Variants in GRIA1 observed in about 807,000 individuals in gnomAD.
GRIA1 encodes glutamate ionotropic receptor AMPA type subunit 1.
In GRIA1, 31 loss-of-function variants were observed where a neutral mutation model predicts 99.2. The observed-to-expected ratio is 0.31, with a 90% CI of 0.23 to 0.42. The LOEUF is 0.42. Among genes scored for constraint, GRIA1 ranks in the 10% least tolerant of loss-of-function variants. The pLI is 1.00. For missense variants in GRIA1, 782 were observed against 1,157.5 expected (o/e 0.68, Z 4.71); for synonymous variants, 438 against 432.4 (o/e 1.01, Z -0.16).
At position 153,811,195 on chromosome 5, in the gene GRIA1, A is replaced by C; in HGVS notation, c.2691A>C (p.Ser897=). ...CGATTCCTTGCATGAGCCACAGTTCAGGGATGCCCTTGGGAGCCACGGGAT... is the reference window on the plus strand; with the variant it reads ...CGATTCCTTGCATGAGCCACAGTTCCGGGATGCCCTTGGGAGCCACGGGAT... ...MQSIPCMSHS[S]GMPLGATGL The change falls in exon 16 of 16, where the codon TCA becomes TCC. Residue 897 remains serine (S), a synonymous_variant. Transcript: ENST00000285900. 1 of 1,614,098 alleles carries C rather than the reference A, an allele frequency of 6.2e-7. No homozygotes were observed. Among genetic ancestry groups the C allele is most frequent in the East Asian group, 2.2e-5 (1 of 44,852 alleles).
At chr5:153,746,794 G>T (rs1323815556) in intron 11 of GRIA1, among the ~76,000 whole-genome samples, 1 of 152,200 alleles carries the variant, frequency 6.6e-6, no homozygotes, top group Non-Finnish European at 1.5e-5. Flanking sequence ...ATGGGAGGAA[G>T]TCCCATTTAT....
intron 2 of GRIA1, among the ~76,000 whole-genome samples, chr5:153,567,132 T>C (rs1425543230): frequency 6.6e-6 from 1 of 152,188 alleles, no homozygotes; most frequent in Admixed American, 6.5e-5. Context: ...TTGTTTCATT[T>C]TATGTGCAGT....
At chr5:153,561,643 C>T (rs1032262195) in intron 2 of GRIA1, among the ~76,000 whole-genome samples, 2 of 152,144 alleles carry the variant, frequency 1.3e-5, no homozygotes, top group African/African-American at 4.8e-5. Flanking sequence ...TGGCTTAAAG[C>T]AGTTGCAAGA....
At chr5:153,624,112 G>C (rs778833) in intron 2 of GRIA1, among the ~76,000 whole-genome samples, 149,708 of 152,318 alleles carry the variant, frequency 0.98, 73,619 homozygotes, top group East Asian at 1. Flanking sequence ...AGCTCACCTT[G>C]ACATTTAACC....
chr5:153,697,917 G>T, intron 8 of GRIA1, 127 bp from the exon 9 acceptor site: 2 of 514,122 alleles, frequency 3.9e-6, no homozygotes, highest in Non-Finnish European at 7.1e-6. Context: ...ATATTTTAGA[G>T]CTCGGTGTGT....
chr5:153,796,337 A>G (rs1191845270), intron 14 of GRIA1, among the ~76,000 whole-genome samples: 2 of 152,210 alleles, frequency 1.3e-5, no homozygotes, highest in Admixed American at 6.5e-5. Context: ...TAAAGCTACT[A>G]TCTTCATTAC....
At chr5:153,758,973 C>A (rs371259141) in intron 11 of GRIA1, among the ~76,000 whole-genome samples, 29 of 151,764 alleles carry the variant, frequency 1.9e-4, no homozygotes, top group Admixed American at 9.2e-4. Flanking sequence ...AGAAATTAAA[C>A]AACATTCTCC....
intron 4 of GRIA1, 125 bp downstream of exon 4, chr5:153,650,639 G>C (rs1443220377): frequency 3.7e-6 from 3 of 802,406 alleles, no homozygotes; most frequent in Non-Finnish European, 5.8e-6. Flanking sequence ...GAGACTAAAA[G>C]ACCTCTATCT....
At chr5:153,491,497 T>C (rs965790024) in intron 1 of GRIA1, among the ~76,000 whole-genome samples, 7 of 152,060 alleles carry the variant, frequency 4.6e-5, no homozygotes, top group Non-Finnish European at 1.0e-4. Context: ...ACTGAAATAA[T>C]GCCAGAAGGC....
intron 5 of GRIA1, among the ~76,000 whole-genome samples, chr5:153,660,551 G>A (rs1363667556): frequency 6.6e-6 from 1 of 152,086 alleles, no homozygotes; most frequent in Non-Finnish European, 1.5e-5. Flanking sequence ...GAAAGAGAGG[G>A]GGTTGTCCTG....
intron 11 of GRIA1, among the ~76,000 whole-genome samples, chr5:153,757,617 G>A (rs1762918131): frequency 6.6e-6 from 1 of 152,184 alleles, no homozygotes; most frequent in South Asian, 2.1e-4. Flanking sequence ...AGACTTTGCA[G>A]ACCAGGAGGA....
chr5:153,784,396 C>T (rs1232315334), intron 13 of GRIA1, among the ~76,000 whole-genome samples: 1 of 87,640 alleles, frequency 1.1e-5, no homozygotes, highest in Non-Finnish European at 2.2e-5. Context: ...CTGTATATAT[C>T]ATTTGCTTTA....
intron 8 of GRIA1, among the ~76,000 whole-genome samples, chr5:153,690,450 G>T (rs1757662947): frequency 6.6e-6 from 1 of 152,050 alleles, no homozygotes; most frequent in Non-Finnish European, 1.5e-5. Flanking sequence ...TAAAAGGGTG[G>T]TAATACTCTT....
chr5:153,569,805 C>A (rs138812992), intron 2 of GRIA1, among the ~76,000 whole-genome samples: 1 of 152,132 alleles, frequency 6.6e-6, no homozygotes, highest in Non-Finnish European at 1.5e-5. Context: ...TTAGCTCTTA[C>A]GGACCTCATA....
At chr5:153,693,405 C>T (rs1267012306) in intron 8 of GRIA1, among the ~76,000 whole-genome samples, 2 of 152,156 alleles carry the variant, frequency 1.3e-5, no homozygotes, top group African/African-American at 2.4e-5. Context: ...AGCTAATTAT[C>T]TTGGCCACAA....
At chr5:153,600,693 C>T (rs1404600190) in intron 2 of GRIA1, among the ~76,000 whole-genome samples, 1 of 152,084 alleles carries the variant, frequency 6.6e-6, no homozygotes, top group Non-Finnish European at 1.5e-5. Context: ...CAAAGGGAAA[C>T]TGGGAGAAGA....
At chr5:153,520,893 C>T (rs1458334461) in intron 2 of GRIA1, among the ~76,000 whole-genome samples, 1 of 152,146 alleles carries the variant, frequency 6.6e-6, no homozygotes, top group African/African-American at 2.4e-5. Flanking sequence ...GAAAGCATTT[C>T]CATGAAGCAG....
At chr5:153,612,239 G>A (rs1054554316) in intron 2 of GRIA1, among the ~76,000 whole-genome samples, 3 of 152,236 alleles carry the variant, frequency 2.0e-5, no homozygotes, top group Non-Finnish European at 4.4e-5. Flanking sequence ...GAAGGGATAA[G>A]GAGAGAGTGC....
chr5:153,541,938 A>AAAC, intron 2 of GRIA1, among the ~76,000 whole-genome samples: 1 of 129,758 alleles, frequency 7.7e-6, no homozygotes, highest in Middle Eastern at 3.7e-3. Flanking sequence ...CAAAAAAAAA[A>AAAC]AAAAAAAAAA....
Sources: allele counts gnomAD v4.1 joint callset (sites outside exome capture counted in the v4.1 genomes callset), GRCh38; gene constraint gnomAD v4.1.1; transcripts MANE v1.5; gene names NCBI Gene and HGNC (gene_info 2026-07-23, HGNC 2026-07-21).